Variants in KIAA1958 observed in about 807,000 individuals in gnomAD.
KIAA1958 encodes the protein uncharacterized protein KIAA1958.
A neutral mutation model predicts 47.2 loss-of-function variants in KIAA1958; 14 were observed. That is an observed-to-expected ratio of 0.30 (90% CI 0.20 to 0.46). The LOEUF (loss-of-function observed/expected upper bound fraction) is 0.46. Among genes scored for constraint, KIAA1958 ranks in the 20% least tolerant of loss-of-function variants. KIAA1958 has a pLI of 1.00. For synonymous variants in KIAA1958, 354 were observed against 353.3 expected (o/e 1.00, Z -0.02); for missense variants, 803 against 909.2 (o/e 0.88, Z 1.50).
intron 1 of KIAA1958, among the ~76,000 whole-genome samples, chr9:112,565,013 A>G (rs1347117852): frequency 3.3e-5 from 5 of 152,232 alleles, no homozygotes; most frequent in Non-Finnish European, 5.9e-5. Flanking sequence ...GTGCTTGGCA[A>G]ATAAGAATTG....
At position 112,659,302 on chromosome 9, in the gene KIAA1958, T is replaced by C; in HGVS notation, c.1384T>C (p.Tyr462His). The part of the protein sequence containing the change: ...VKLNELLENF[Y>H]VTVKKSDGSD... ...GTTGAACGAGCTGCTCGAGAACTTT[T>C]ATGTCACCGTCAAGAAGAGCGACGG... The change falls in exon 4 of 4, where the codon TAT (tyrosine) becomes CAT (histidine). Residue 462 changes from tyrosine (Y) to histidine (H), a missense_variant. This residue lies in a region of KIAA1958 where 761 missense variants were observed against 829.3 expected (regional missense o/e 0.92). Coordinates refer to ENST00000337530, the MANE Select transcript of KIAA1958 (RefSeq NM_133465.4). The C allele has an allele frequency of 6.2e-7, 1 of 1,613,880 alleles. No individual in the cohort carries two copies. The highest frequency in any genetic ancestry group is 8.5e-7 in the Non-Finnish European group (1 of 1,179,950).
intron 1 of KIAA1958, among the ~76,000 whole-genome samples, chr9:112,551,864 G>A (rs1487028346): frequency 6.6e-6 from 1 of 152,178 alleles, no homozygotes; most frequent in Non-Finnish European, 1.5e-5. Context: ...TTGTTAAAAT[G>A]GCTTTGCATG....
At chr9:112,648,270 A>G (rs1170559798) in intron 3 of KIAA1958, among the ~76,000 whole-genome samples, 1 of 152,158 alleles carries the variant, frequency 6.6e-6, no homozygotes, top group African/African-American at 2.4e-5. Context: ...TGGTACAGGG[A>G]GGGAGAATCC....
chr9:112,618,121 G>T lies in KIAA1958; in HGVS notation c.1172-27529G>T. On this transcript the variant is annotated intron_variant, in intron 2 of 3. Transcript: ENST00000337530. The surrounding 1 kb of genome is among the most constrained non-coding windows in gnomAD (Gnocchi z 7.1). Reference sequence around the variant, plus strand: ...CCAATTACCAGTGTGGGCTCGAAAGGTACCTGAAAGAACACAGGTATGGCT... The same window carrying T: ...CCAATTACCAGTGTGGGCTCGAAAGTTACCTGAAAGAACACAGGTATGGCT... 6.4e-7 allele frequency: 1 copy of T among 1,550,526 alleles called. No homozygotes were observed. The highest frequency in any genetic ancestry group is 8.7e-7 in the Non-Finnish European group (1 of 1,147,002).
At chr9:112,634,324 G>A (rs921673493) in intron 2 of KIAA1958, among the ~76,000 whole-genome samples, 2 of 152,114 alleles carry the variant, frequency 1.3e-5, no homozygotes, top group Admixed American at 6.6e-5. Flanking sequence ...TACTTCCTGG[G>A]TTCAAGCGAT....
chr9:112,510,420 ACACATCCTCT>A (rs1411331285), intron 1 of KIAA1958, among the ~76,000 whole-genome samples: 1 of 152,188 alleles, frequency 6.6e-6, no homozygotes, highest in Non-Finnish European at 1.5e-5. Flanking sequence ...CTTGATTCCC[ACACATCCTCT>A]CAATCTTCAG....
At chr9:112,544,506 G>GAATA (rs768593560) in intron 1 of KIAA1958, among the ~76,000 whole-genome samples, 35 of 151,952 alleles carry the variant, frequency 2.3e-4, no homozygotes, top group South Asian at 4.2e-4. Context: ...GTTCAGTTAT[G>GAATA]AATAAATAAA....
At chr9:112,600,157 T>G (rs979671626) in intron 2 of KIAA1958, among the ~76,000 whole-genome samples, 2 of 152,232 alleles carry the variant, frequency 1.3e-5, no homozygotes, top group East Asian at 1.9e-4. Flanking sequence ...CACAGAATGC[T>G]TAATTTCTTT....
At chr9:112,488,100 T>G (rs1833901141) in intron 1 of KIAA1958, among the ~76,000 whole-genome samples, 1 of 151,972 alleles carries the variant, frequency 6.6e-6, no homozygotes, top group Admixed American at 6.6e-5. Context: ...ATGGTGGAGG[T>G]TAAATTGGAG....
chr9:112,505,536 A>G (rs1834219674), intron 1 of KIAA1958, among the ~76,000 whole-genome samples: 1 of 152,368 alleles, frequency 6.6e-6, no homozygotes. Flanking sequence ...CTTGAATTGT[A>G]TGGTGTGAAG....
intron 2 of KIAA1958, among the ~76,000 whole-genome samples, chr9:112,604,378 G>C (rs1588036326): frequency 6.6e-6 from 1 of 152,304 alleles, no homozygotes; most frequent in East Asian, 1.9e-4. Flanking sequence ...TTTTCGATCT[G>C]TCGGCTACAT....
Position 112,618,938 on chromosome 9 carries a change from C to A in KIAA1958, c.1172-26712C>A. 2 of 1,501,166 alleles carry A rather than the reference C, an allele frequency of 1.3e-6. No individual in the cohort carries two copies. Among genetic ancestry groups the A allele is most frequent in the Non-Finnish European group, 1.8e-6 (2 of 1,115,218 alleles). The allele number at this position is 1,501,166 out of a possible 1,614,324, so 93.0% of individuals were successfully genotyped here. On this transcript the variant is annotated intron_variant, in intron 2 of 3. Transcript: ENST00000337530. The surrounding 1 kb of genome is among the most constrained non-coding windows in gnomAD (Gnocchi z 7.1). ...TTGACCAGGTGGCTTGAGCAAGACT[C>A]CAGTTTGGTTACTGTGTCCGGAGAA...
At chr9:112,657,567 AT>A (rs146019391) in intron 3 of KIAA1958, among the ~76,000 whole-genome samples, 2,260 of 152,202 alleles carry the variant, frequency 0.015, 61 homozygotes, top group African/African-American at 0.049. Flanking sequence ...GGTTCGGTTA[AT>A]TTTTAATCTA....
At chr9:112,537,070 C>T (rs1834866766) in intron 1 of KIAA1958, among the ~76,000 whole-genome samples, 1 of 151,422 alleles carries the variant, frequency 6.6e-6, no homozygotes, top group Non-Finnish European at 1.5e-5. Flanking sequence ...ATTTCCTCCC[C>T]TCCCCTCCCC....
chr9:112,544,995 C>G (rs778389724), intron 1 of KIAA1958, among the ~76,000 whole-genome samples: 12 of 151,982 alleles, frequency 7.9e-5, no homozygotes, highest in African/African-American at 2.9e-4. Context: ...AGTGCCCCAG[C>G]GATCAAAAAC....
chr9:112,594,097 T>C (rs1422436921), intron 2 of KIAA1958, among the ~76,000 whole-genome samples: 3 of 152,122 alleles, frequency 2.0e-5, no homozygotes, highest in African/African-American at 7.2e-5. Flanking sequence ...ACTGCTGGCT[T>C]CCAACAGTCC....
chr9:112,523,131 ATT>A (rs2132798642), intron 1 of KIAA1958, among the ~76,000 whole-genome samples: 2 of 152,296 alleles, frequency 1.3e-5, no homozygotes, highest in South Asian at 4.2e-4. Context: ...TGCACTTATG[ATT>A]CCTTATTTGA....
intron 3 of KIAA1958, among the ~76,000 whole-genome samples, chr9:112,651,010 A>C: frequency 6.6e-6 from 1 of 152,342 alleles, no homozygotes; most frequent in African/African-American, 2.4e-5. Context: ...TACACTTAAA[A>C]ACAGAGCATA....
chr9:112,528,152 T>G (rs1834692654), intron 1 of KIAA1958, among the ~76,000 whole-genome samples: 1 of 152,120 alleles, frequency 6.6e-6, no homozygotes, highest in Non-Finnish European at 1.5e-5. Context: ...TCCAGAGAGA[T>G]GTGATCAATC....
Sources: gnomAD v4.1 joint callset for allele counts (sites outside exome capture counted in the v4.1 genomes callset) on GRCh38, gnomAD v4.1.1 for gene constraint, gnomAD v4.1.1 regional missense constraint, Gnocchi (gnomAD v3.1) non-coding constraint, MANE v1.5 for transcripts, NCBI Gene and HGNC (gene_info 2026-07-23, HGNC 2026-07-21) for gene names.